ARHGEF33: variants seen among roughly 807,000 people sequenced by gnomAD.
ARHGEF33 encodes the protein Rho guanine nucleotide exchange factor 33.
A neutral mutation model predicts 101.9 loss-of-function variants in ARHGEF33; 72 were observed. That is an observed-to-expected ratio of 0.71 (90% confidence interval 0.58 to 0.86). The LOEUF is 0.86. Among genes scored for constraint, ARHGEF33 ranks in the 40% least tolerant of loss-of-function variants. ARHGEF33 has a pLI of 0.00. For missense variants in ARHGEF33, 1,169 were observed against 1,111.3 expected (o/e 1.05, Z -0.74); for synonymous variants, 499 against 442.5 (o/e 1.13, Z -1.60).
At chr2:38,943,073 G>A (rs569783493) in intron 9 of ARHGEF33, among the ~76,000 whole-genome samples, 6 of 152,110 alleles carry the variant, frequency 3.9e-5, no homozygotes, top group African/African-American at 7.2e-5. Context: ...GATTACAGGC[G>A]TGTGCCACCA....
intron 11 of ARHGEF33, among the ~76,000 whole-genome samples, 195 bp from the exon 12 acceptor site, chr2:38,952,967 A>G (rs951508171): frequency 6.6e-6 from 1 of 152,158 alleles, no homozygotes; most frequent in African/African-American, 2.4e-5. Flanking sequence ...CCAAAGTGCT[A>G]GGATTACAGG....
chr2:38,925,021 C>T (rs879342664), intron 4 of ARHGEF33, among the ~76,000 whole-genome samples: 2 of 151,952 alleles, frequency 1.3e-5, no homozygotes, highest in Non-Finnish European at 1.5e-5. Flanking sequence ...CAAAAGTAGA[C>T]ATTTAGAAAA....
rs1167583525 is a variant in ARHGEF33 at position 38,936,976 on chromosome 2, C to CA, written c.566-347dup. 344 of 116,098 alleles carry CA rather than the reference C, an allele frequency of 3.0e-3. 3 individuals are homozygous for CA. The highest frequency in any genetic ancestry group is 8.6e-3 in the African/African-American group (270 of 31,464). The allele number at this position is 116,098 out of a possible 1,614,324, so 7.2% of individuals were successfully genotyped here. A position where few individuals can be genotyped will look rare whatever the true frequency, so the allele number is the denominator to read the frequency against. The stretch of plus-strand genomic sequence containing the variant: ...GGGTGACAAAAGCGAAACTCCGTCT[C>CA]AAAAAAAAAAAAGTAACAAACTTTT... On this transcript the variant is annotated intron_variant, in intron 8 of 17. Transcript: ENST00000409978.
At chr2:38,962,013 C>T (rs1667954058) in intron 16 of ARHGEF33, among the ~76,000 whole-genome samples, 2 of 152,122 alleles carry the variant, frequency 1.3e-5, no homozygotes, top group Admixed American at 1.3e-4. Flanking sequence ...GCTTGCTGCC[C>T]ACCTGCACTC....
chr2:38,943,660 T>G (rs968303069), intron 9 of ARHGEF33, among the ~76,000 whole-genome samples: 2 of 152,258 alleles, frequency 1.3e-5, no homozygotes, highest in African/African-American at 4.8e-5. Context: ...CTCCAATCCT[T>G]GAGCTTTCCA....
intron 14 of ARHGEF33, 117 bp from the exon 15 acceptor site, chr2:38,957,917 G>C (rs1001601484): frequency 2.3e-6 from 3 of 1,278,186 alleles, no homozygotes; most frequent in African/African-American, 1.5e-5. Flanking sequence ...CCTGGAGATA[G>C]AGACCTTCAC....
chr2:38,943,536 C>G (rs1361219644), intron 9 of ARHGEF33, among the ~76,000 whole-genome samples: 1 of 35,686 alleles, frequency 2.8e-5, no homozygotes, highest in Non-Finnish European at 8.3e-5. Context: ...AGGAAGCCAT[C>G]TGGTATGGGG....
intron 17 of ARHGEF33, among the ~76,000 whole-genome samples, chr2:38,971,327 G>A (rs890659464): frequency 4.6e-5 from 7 of 152,162 alleles, no homozygotes; most frequent in Non-Finnish European, 7.3e-5. Context: ...TCAAATACTT[G>A]GATGGTTATG....
intron 14 of ARHGEF33, 52 bp downstream of exon 14, chr2:38,957,099 G>A: frequency 6.5e-7 from 1 of 1,540,888 alleles, no homozygotes; most frequent in Non-Finnish European, 8.8e-7. Context: ...TACTATGGGT[G>A]TCTTTCACAA....
intron 10 of ARHGEF33, among the ~76,000 whole-genome samples, chr2:38,945,200 A>T (rs542979507): frequency 6.6e-6 from 1 of 152,256 alleles, no homozygotes; most frequent in South Asian, 2.1e-4. Context: ...GTGGTTCATA[A>T]ATTCTGAATC....
At chr2:38,906,103 A>C (rs1317820001) in intron 2 of ARHGEF33, among the ~76,000 whole-genome samples, 2 of 150,536 alleles carry the variant, frequency 1.3e-5, no homozygotes, top group East Asian at 3.9e-4. Context: ...AAAAATACCT[A>C]GGAGGTGGAG....
intron 2 of ARHGEF33, among the ~76,000 whole-genome samples, chr2:38,897,885 A>C (rs1410919653): frequency 1.3e-5 from 2 of 152,176 alleles, no homozygotes; most frequent in African/African-American, 4.8e-5. Context: ...ACAGCCCCAG[A>C]GGCTAGAATG....
intron 2 of ARHGEF33, among the ~76,000 whole-genome samples, chr2:38,908,536 C>G (rs79587204): frequency 0.047 from 7,090 of 152,244 alleles, 205 homozygotes; most frequent in Middle Eastern, 0.061. Context: ...CATATTAACT[C>G]TACCAATTTA....
chr2:38,958,323 C>G, intron 15 of ARHGEF33, 125 bp downstream of exon 15: 3 of 1,222,436 alleles, frequency 2.5e-6, no homozygotes, highest in Non-Finnish European at 3.4e-6. Flanking sequence ...ATGTGCCAAC[C>G]AAGCAGCCAA....
Position 38,929,040 on chromosome 2 carries a change from C to G in ARHGEF33, c.209C>G (p.Thr70Ser), listed in dbSNP as rs1471389477. ...AGATGTTCCATGGAAGAAAAAGTTA[C>G]TGAGATGAAGAATTCATTAAACTAT... ...SCRCSMEEKV[T>S]EMKNSLNYFK... The change falls in exon 5 of 18, where the codon ACT becomes AGT. Residue 70 changes from threonine to serine, a missense_variant. Physicochemically the swap from Thr to Ser is moderately conservative, Grantham distance 58. Coordinates refer to ENST00000409978, the MANE Select transcript of ARHGEF33 (RefSeq NM_001145451.5). The G allele has an allele frequency of 1.3e-6, 2 of 1,550,640 alleles. No individual in the cohort carries two copies. Among genetic ancestry groups the G allele is most frequent in the Non-Finnish European group, 1.7e-6 (2 of 1,146,438 alleles).
In ARHGEF33 at chr2:38,909,465, T is replaced by C. The variant is rs547623371; in HGVS notation, c.-85-9898T>C. Among the ~76,000 whole-genome samples the C allele has an allele frequency of 1.4e-3, 209 of 151,342 alleles. 2 individuals are homozygous for C. The highest frequency in any genetic ancestry group is 5.0e-3 in the African/African-American group (206 of 41,356). ...GTCTTCCAAGTGGCTGGAATTACAG[T>C]AGTGCACCACCACGACTGGCTAATT... On this transcript the variant is annotated intron_variant, in intron 2 of 17. Coordinates refer to ENST00000409978, the MANE Select transcript of ARHGEF33 (RefSeq NM_001145451.5).
At chr2:38,915,530 AC>A (rs951611766) in intron 2 of ARHGEF33, among the ~76,000 whole-genome samples, 22 of 150,752 alleles carry the variant, frequency 1.5e-4, no homozygotes, top group Non-Finnish European at 2.7e-4. Context: ...GTGCCACCAA[AC>A]CTGGCTAATT....
Position 38,931,237 on chromosome 2 carries a change from A to G in ARHGEF33, c.491A>G (p.Gln164Arg). 1 of 1,547,084 alleles carries G rather than the reference A, an allele frequency of 6.5e-7. No homozygotes were observed. The highest frequency in any genetic ancestry group is 8.7e-7 in the Non-Finnish European group (1 of 1,145,748). ...GACTTTACCAACCTTTTGCCTTCTC[A>G]GGCCTACGAGAAAGGTACAGTTCAC... ...SEDFTNLLPS[Q>R]AYEKAQESRS... The change falls in exon 7 of 18, where the codon CAG becomes CGG. Residue 164 changes from glutamine (Q) to arginine (R), a missense_variant. Physicochemically the swap from Gln to Arg is conservative, Grantham distance 43. Coordinates refer to ENST00000409978, the MANE Select transcript of ARHGEF33 (RefSeq NM_001145451.5).
At chr2:38,899,051 C>T (rs1475726510) in intron 2 of ARHGEF33, among the ~76,000 whole-genome samples, 1 of 151,918 alleles carries the variant, frequency 6.6e-6, no homozygotes, top group Non-Finnish European at 1.5e-5. Flanking sequence ...GAGTGGTCTT[C>T]TTGCTATTAA....
Sources: gnomAD v4.1 joint callset for allele counts (sites outside exome capture counted in the v4.1 genomes callset) on GRCh38, gnomAD v4.1.1 for gene constraint, MANE v1.5 for transcripts, NCBI Gene and HGNC (gene_info 2026-07-23, HGNC 2026-07-21) for gene names.